Variants in BAIAP2L1 observed in about 807,000 individuals in gnomAD.
BAIAP2L1 encodes the protein BAR/IMD domain containing adaptor protein 2 like 1.
Under a neutral mutation model 66.3 loss-of-function variants are expected in BAIAP2L1, and 35 were observed. The observed-to-expected ratio is 0.53, with a 90% CI of 0.40 to 0.70. BAIAP2L1 has a LOEUF of 0.70. BAIAP2L1 is among the 30% of genes least tolerant of loss of function. BAIAP2L1 has a pLI of 0.00. For missense variants in BAIAP2L1, 622 were observed against 656.9 expected (o/e 0.95, Z 0.58); for synonymous variants, 269 against 248.7 (o/e 1.08, Z -0.77).
intron 3 of BAIAP2L1, among the ~76,000 whole-genome samples, chr7:98,351,900 G>A (rs1208859495): frequency 6.6e-5 from 10 of 152,130 alleles, no homozygotes; most frequent in South Asian, 2.1e-4. Flanking sequence ...CCCTCGAGGC[G>A]CACAGAATGA....
chr7:98,339,086 A>AC (rs898646896), intron 3 of BAIAP2L1, among the ~76,000 whole-genome samples: 1 of 151,856 alleles, frequency 6.6e-6, no homozygotes, highest in African/African-American at 2.4e-5. Context: ...AAAAAAAAAA[A>AC]AAAAAAGACT....
intron 1 of BAIAP2L1, among the ~76,000 whole-genome samples, chr7:98,376,724 C>T (rs191504522): frequency 3.7e-4 from 56 of 149,890 alleles, no homozygotes; most frequent in Admixed American, 7.3e-4. Flanking sequence ...CTCAGCTACT[C>T]GGGGGGCTGA....
intron 12 of BAIAP2L1, among the ~76,000 whole-genome samples, chr7:98,303,119 A>G (rs903614688): frequency 6.6e-6 from 1 of 152,222 alleles, no homozygotes; most frequent in African/African-American, 2.4e-5. Flanking sequence ...TTCAAAAGCT[A>G]GCATTCCTAA....
intron 3 of BAIAP2L1, among the ~76,000 whole-genome samples, chr7:98,340,048 T>C (rs939079326): frequency 2.0e-5 from 3 of 152,166 alleles, no homozygotes; most frequent in African/African-American, 7.2e-5. Context: ...ACACACAATA[T>C]ACTTCAAGGA....
Position 98,292,615 on chromosome 7 carries a change from G to A in BAIAP2L1, c.*906C>T, listed in dbSNP as rs764529733. ...GTTCCGAGGGCATCATGGCTGCTAG[G>A]CTGAAAAACCCGCCCTTCTCCAGGC... On this transcript the variant is annotated 3_prime_UTR_variant, in exon 14 of 14. Coordinates refer to ENST00000005260, the MANE Select transcript of BAIAP2L1 (RefSeq NM_018842.5). 1.3e-6 allele frequency: 2 copies of A among 1,551,112 alleles called. No homozygotes were observed. Among genetic ancestry groups the A allele is most frequent in the Non-Finnish European group, 1.7e-6 (2 of 1,146,652 alleles).
intron 3 of BAIAP2L1, among the ~76,000 whole-genome samples, chr7:98,329,469 G>A (rs1265959994): frequency 3.3e-5 from 5 of 152,090 alleles, no homozygotes; most frequent in South Asian, 2.1e-4. Flanking sequence ...TGAGTTTTAC[G>A]TCTAGGAGTC....
At chr7:98,366,319 G>A (rs1461371159) in intron 1 of BAIAP2L1, among the ~76,000 whole-genome samples, 2 of 152,108 alleles carry the variant, frequency 1.3e-5, no homozygotes, top group Non-Finnish European at 2.9e-5. Flanking sequence ...TCTGCCAGAG[G>A]GAGCTGCTGG....
At chr7:98,397,796 G>A (rs542995953) in intron 1 of BAIAP2L1, among the ~76,000 whole-genome samples, 3 of 152,194 alleles carry the variant, frequency 2.0e-5, no homozygotes, top group Non-Finnish European at 2.9e-5. Flanking sequence ...GTGGAGTGGG[G>A]AGGGATTTTT....
intron 6 of BAIAP2L1, among the ~76,000 whole-genome samples, chr7:98,316,416 T>C (rs1013503124): frequency 7.2e-5 from 11 of 152,196 alleles, no homozygotes; most frequent in African/African-American, 2.4e-4. Flanking sequence ...TCCCTTCTTC[T>C]TTCAGAGCCA....
chr7:98,386,409 G>T, intron 1 of BAIAP2L1: 1 of 1,592,032 alleles, frequency 6.3e-7, no homozygotes, highest in Non-Finnish European at 8.5e-7. Flanking sequence ...GAGACCATCA[G>T]ATGCAATTTT....
At chr7:98,399,265 G>A (rs556982570) in intron 1 of BAIAP2L1, among the ~76,000 whole-genome samples, 8 of 152,292 alleles carry the variant, frequency 5.3e-5, no homozygotes, top group African/African-American at 1.9e-4. Flanking sequence ...TGTCAACTGT[G>A]TCTACTCTCC....
chr7:98,310,644 T>C (rs1476933966), intron 8 of BAIAP2L1, 52 bp from the exon 9 acceptor site: 4 of 1,384,634 alleles, frequency 2.9e-6, no homozygotes, highest in Non-Finnish European at 3.9e-6. Flanking sequence ...GAACCGGAAT[T>C]ACACAGATTC....
At chr7:98,355,614 A>G (rs1315428569) in intron 2 of BAIAP2L1, among the ~76,000 whole-genome samples, 4 of 151,558 alleles carry the variant, frequency 2.6e-5, no homozygotes, top group South Asian at 2.1e-4. Flanking sequence ...CTGCAGTCCC[A>G]GCTACTTGGG....
rs888000429 is a variant in BAIAP2L1 at position 98,374,814 on chromosome 7, C to T, written c.52-12382G>A. Among the ~76,000 whole-genome samples, 8 of 152,216 alleles carry T rather than the reference C, an allele frequency of 5.3e-5. No homozygotes were observed. The South Asian group carries it at 1.2e-3, about 24-fold the overall frequency. ...GAAAAAGGTGAATCTGGCCAGGCAT[C>T]GTGGCTAATGCCTGTAATTCCAGCA... On this transcript the variant is annotated intron_variant, in intron 1 of 13. Transcript: ENST00000005260.
chr7:98,354,218 C>T (rs1802069686), intron 3 of BAIAP2L1, among the ~76,000 whole-genome samples: 1 of 151,838 alleles, frequency 6.6e-6, no homozygotes, highest in African/African-American at 2.4e-5. Context: ...AAGAGCTTCC[C>T]AAACAATCCT....
intron 3 of BAIAP2L1, among the ~76,000 whole-genome samples, chr7:98,329,873 A>G (rs1584461271): frequency 6.6e-6 from 1 of 152,170 alleles, no homozygotes; most frequent in Non-Finnish European, 1.5e-5. Context: ...CTCCGGGATA[A>G]TATCTGTGGA....
intron 1 of BAIAP2L1, among the ~76,000 whole-genome samples, chr7:98,379,582 C>T (rs1435689541): frequency 6.6e-6 from 1 of 152,128 alleles, no homozygotes; most frequent in African/African-American, 2.4e-5. Context: ...CTTCCCAATC[C>T]TATGTTTTTC....
chr7:98,374,823 T>C (rs1225335298), intron 1 of BAIAP2L1, among the ~76,000 whole-genome samples: 2 of 152,172 alleles, frequency 1.3e-5, no homozygotes, highest in African/African-American at 4.8e-5. Context: ...TCGTGGCTAA[T>C]GCCTGTAATT....
chr7:98,309,007 G>A (rs1800772587), intron 9 of BAIAP2L1: 1 of 151,404 alleles, frequency 6.6e-6, no homozygotes, highest in Non-Finnish European at 1.5e-5. Flanking sequence ...AATTTTCCCA[G>A]GCTAGTAATA....
Sources: gnomAD v4.1 joint callset for allele counts (sites outside exome capture counted in the v4.1 genomes callset) on GRCh38, gnomAD v4.1.1 for gene constraint, MANE v1.5 for transcripts, NCBI Gene and HGNC (gene_info 2026-07-23, HGNC 2026-07-21) for gene names.